Variants in RBFOX1 observed in about 807,000 individuals in gnomAD.
RBFOX1 encodes RNA binding protein fox-1 homolog 1.
In RBFOX1, 8 loss-of-function variants were observed where a neutral mutation model predicts 57.7. The ratio of observed to expected loss-of-function variants is 0.14; its 90% CI spans 0.08 to 0.25. The LOEUF (loss-of-function observed/expected upper bound fraction) is 0.25. Ranked by LOEUF, RBFOX1 falls within the 10% of genes least tolerant of loss-of-function variation. The pLI is 1.00. For synonymous variants in RBFOX1, 326 were observed against 222.4 expected (o/e 1.47, Z -4.15); for missense variants, 611 against 548.5 (o/e 1.11, Z -1.14).
chr16:6,475,854 G>C (rs62016768), intron 2 of RBFOX1, among the ~76,000 whole-genome samples: 2 of 152,056 alleles, frequency 1.3e-5, no homozygotes, highest in African/African-American at 4.8e-5. Context: ...ATAACTTCTA[G>C]CAGAAAGGAT....
At chr16:6,307,170 C>T (rs1267906005) in intron 1 of RBFOX1, among the ~76,000 whole-genome samples, 3 of 152,124 alleles carry the variant, frequency 2.0e-5, no homozygotes, top group Non-Finnish European at 4.4e-5. Flanking sequence ...CCTAGGTCAT[C>T]CTCAAAAGAG....
intron 3 of RBFOX1, among the ~76,000 whole-genome samples, chr16:6,995,820 C>T (rs1037817968): frequency 6.6e-6 from 1 of 152,056 alleles, no homozygotes; most frequent in African/African-American, 2.4e-5. Context: ...GCTAGAGGTA[C>T]TTACACTTGA....
intron 4 of RBFOX1, among the ~76,000 whole-genome samples, chr16:7,075,094 T>G (rs1490616767): frequency 6.6e-6 from 1 of 152,212 alleles, no homozygotes; most frequent in Non-Finnish European, 1.5e-5. Flanking sequence ...GATGAAGTTC[T>G]GTGTTATTTG....
At chr16:6,909,337 A>G (rs895524219) in intron 3 of RBFOX1, among the ~76,000 whole-genome samples, 4 of 152,150 alleles carry the variant, frequency 2.6e-5, no homozygotes, top group Non-Finnish European at 5.9e-5. Flanking sequence ...TCCTCTTGTA[A>G]GGAACTTTGT....
At chr16:6,421,072 A>G (rs896098210) in intron 2 of RBFOX1, among the ~76,000 whole-genome samples, 11 of 152,190 alleles carry the variant, frequency 7.2e-5, no homozygotes, top group East Asian at 1.9e-4. Context: ...TTAGACTCCA[A>G]TTTGTAAGTC....
chr16:6,906,895 TG>T (rs2070138544), intron 3 of RBFOX1, among the ~76,000 whole-genome samples: 1 of 152,056 alleles, frequency 6.6e-6, no homozygotes. Context: ...GTTAATTTTT[TG>T]TATTTTTAGT....
intron 4 of RBFOX1, among the ~76,000 whole-genome samples, chr16:5,977,348 G>T (rs1488847195): frequency 6.6e-6 from 1 of 152,146 alleles, no homozygotes; most frequent in African/African-American, 2.4e-5. Context: ...GTCATGCAGA[G>T]TCTCTCCAGA....
intron 3 of RBFOX1, among the ~76,000 whole-genome samples, chr16:6,671,935 A>G (rs1460663078): frequency 1.2e-4 from 19 of 152,230 alleles, no homozygotes; most frequent in African/African-American, 4.8e-5. Context: ...TGTTGCGACT[A>G]CTAAGTAGAT....
At chr16:5,756,215 C>A in intron 3 of RBFOX1, among the ~76,000 whole-genome samples, 2 of 102,558 alleles carry the variant, frequency 2.0e-5, no homozygotes, top group South Asian at 3.7e-4. Context: ...TTACATCTTC[C>A]ACATAAGCAA....
chr16:7,032,621 G>A (rs1020761324), intron 3 of RBFOX1, among the ~76,000 whole-genome samples: 2 of 152,024 alleles, frequency 1.3e-5, no homozygotes, highest in South Asian at 4.2e-4. Flanking sequence ...TGCTAGACGA[G>A]TATTTTCCCT....
chr16:5,665,209 C>T lies in RBFOX1; in HGVS notation c.318+66248C>T, dbSNP rs546976290. Among the ~76,000 whole-genome samples, 10 of 151,376 alleles carry T rather than the reference C, an allele frequency of 6.6e-5. No individual in the cohort carries two copies. The South Asian group carries it at 2.1e-3, about 32-fold the overall frequency. ...CAGGCGATCCTCCCACCTTAGTCTT[C>T]AAATTTTCTGGGACTACAGGCAGGA... On this transcript the variant is annotated intron_variant, in intron 3 of 19. Transcript: ENST00000641259.
At chr16:6,024,220 T>A (rs2152365137) in intron 1 of RBFOX1, among the ~76,000 whole-genome samples, 1 of 152,310 alleles carries the variant, frequency 6.6e-6, no homozygotes, top group South Asian at 2.1e-4. Context: ...TTATTTGGAA[T>A]GTACCACATG....
intron 1 of RBFOX1, among the ~76,000 whole-genome samples, chr16:5,255,358 A>ATCCATCCATCCATCCATCCC (rs2062564224): frequency 1.9e-5 from 2 of 106,428 alleles, no homozygotes; most frequent in East Asian, 2.9e-4. Flanking sequence ...CCATCCCTCC[A>ATCCATCCATCCATCCATCCC]TCCATCCATC....
At chr16:6,425,826 T>C (rs2093909977) in intron 2 of RBFOX1, among the ~76,000 whole-genome samples, 1 of 152,194 alleles carries the variant, frequency 6.6e-6, no homozygotes, top group South Asian at 2.1e-4. Flanking sequence ...TTACTCTTTT[T>C]ACCTTTTTAT....
intron 4 of RBFOX1, among the ~76,000 whole-genome samples, chr16:6,000,777 A>T (rs1457795661): frequency 7.3e-6 from 1 of 137,508 alleles, no homozygotes; most frequent in Non-Finnish European, 1.6e-5. Flanking sequence ...GGACAGGTAG[A>T]TGGATAGGTG....
At chr16:6,683,580 T>C (rs556309959) in intron 3 of RBFOX1, among the ~76,000 whole-genome samples, 2 of 152,370 alleles carry the variant, frequency 1.3e-5, no homozygotes, top group South Asian at 4.1e-4. Context: ...CATACACGTG[T>C]ATACATGTGT....
At chr16:5,891,269 G>T (rs1451071855) in intron 4 of RBFOX1, among the ~76,000 whole-genome samples, 2 of 152,182 alleles carry the variant, frequency 1.3e-5, no homozygotes, top group Non-Finnish European at 2.9e-5. Context: ...AAGGGCACGG[G>T]AGGAGCTGTC....
At chr16:7,284,354 A>G (rs1226812487) in intron 4 of RBFOX1, among the ~76,000 whole-genome samples, 1 of 152,170 alleles carries the variant, frequency 6.6e-6, no homozygotes, top group Non-Finnish European at 1.5e-5. Flanking sequence ...TTTAAGATAT[A>G]GACTCCTGCT....
chr16:5,377,129 C>A lies in RBFOX1; in HGVS notation c.220-90087C>A, dbSNP rs545150426. Among the ~76,000 whole-genome samples, 157 of 151,780 alleles carry A rather than the reference C, an allele frequency of 1.0e-3. 8 individuals are homozygous for A. The highest frequency in any genetic ancestry group is 3.6e-3 in the African/African-American group (146 of 41,044). On this transcript the variant is annotated intron_variant, in intron 1 of 2. Transcript: ENST00000585867. The stretch of plus-strand genomic sequence containing the variant: ...ATTGGCTTAGTCATGCAGTTGAAAG[C>A]ACTGGTTGAGCACCTGCTGTATATC...
Sources: allele counts gnomAD v4.1 joint callset (sites outside exome capture counted in the v4.1 genomes callset), GRCh38; gene constraint gnomAD v4.1.1; transcripts MANE v1.5; gene names NCBI Gene and HGNC (gene_info 2026-07-23, HGNC 2026-07-21).